CDK14: variants seen among roughly 807,000 people sequenced by gnomAD.
The protein encoded by CDK14 is cyclin-dependent kinase 14.
A neutral mutation model predicts 60.7 loss-of-function variants in CDK14; 34 were observed. That is an observed-to-expected ratio of 0.56 (90% CI 0.43 to 0.75). CDK14 has a LOEUF of 0.75. Among genes scored for constraint, CDK14 ranks in the 30% least tolerant of loss-of-function variants. CDK14 has a pLI of 0.00. For synonymous variants in CDK14, 197 were observed against 203.7 expected, an observed-to-expected ratio of 0.97 and a Z score of 0.28; for missense variants, 482 against 564.1, an observed-to-expected ratio of 0.85 and a Z score of 1.47.
At chr7:90,851,750 C>G (rs533037771) in intron 5 of CDK14, among the ~76,000 whole-genome samples, 2 of 150,408 alleles carry the variant, frequency 1.3e-5, no homozygotes, top group African/African-American at 2.4e-5. Flanking sequence ...TTTTTCTTCC[C>G]CTTTGTCATT....
At chr7:90,841,659 T>TACACACACACACACACAC (rs57434660) in intron 5 of CDK14, among the ~76,000 whole-genome samples, 3,814 of 139,292 alleles carry the variant, frequency 0.027, 92 homozygotes, top group Middle Eastern at 0.085. Flanking sequence ...TATATATATG[T>TACACACACACACACACAC]ACACACACAC....
intron 8 of CDK14, among the ~76,000 whole-genome samples, chr7:90,948,213 T>C (rs1794156443): frequency 6.6e-6 from 1 of 152,354 alleles, no homozygotes; most frequent in Non-Finnish European, 1.5e-5. Flanking sequence ...TCATTTTTTA[T>C]ATTATGTTGT....
At chr7:90,690,891 CA>C (rs1382473391) in intron 2 of CDK14, among the ~76,000 whole-genome samples, 5 of 151,952 alleles carry the variant, frequency 3.3e-5, no homozygotes. Context: ...TTCATTTTGA[CA>C]AAGATTACTT....
chr7:90,819,291 A>C (rs1294902321), intron 5 of CDK14, among the ~76,000 whole-genome samples: 1 of 152,162 alleles, frequency 6.6e-6, no homozygotes, highest in Non-Finnish European at 1.5e-5. Flanking sequence ...GAAGTAACTG[A>C]AATGATTTGT....
chr7:90,703,937 T>C (rs1211150871), intron 2 of CDK14, among the ~76,000 whole-genome samples: 1 of 152,034 alleles, frequency 6.6e-6, no homozygotes, highest in Non-Finnish European at 1.5e-5. Context: ...AATACAAAAA[T>C]TAGCTGGGCA....
intron 2 of CDK14, among the ~76,000 whole-genome samples, chr7:90,666,993 A>G (rs1406225370): frequency 1.3e-5 from 2 of 152,228 alleles, no homozygotes; most frequent in Non-Finnish European, 2.9e-5. Flanking sequence ...AGGTTTTGCC[A>G]TATTCTTTAT....
At chr7:91,072,910 A>G (rs1041192680) in intron 11 of CDK14, among the ~76,000 whole-genome samples, 1 of 152,068 alleles carries the variant, frequency 6.6e-6, no homozygotes, top group African/African-American at 2.4e-5. Flanking sequence ...AGCAGAAGAA[A>G]GAATATCAGA....
rs1799189090 is a variant in CDK14, at chr7:90,596,529, A to G, written c.-99A>G. Reference sequence around the variant, plus strand: ...TCCCGGCCCGCCGAGGAGGTGGTGGAGGAGGAGGCGCCGCTTTCCCCGCGG... The same window carrying G: ...TCCCGGCCCGCCGAGGAGGTGGTGGGGGAGGAGGCGCCGCTTTCCCCGCGG... On this transcript the variant is annotated 5_prime_UTR_variant, in exon 1 of 15. Transcript: ENST00000380050. The G allele has an allele frequency of 1.1e-6, 1 of 935,676 alleles. No homozygotes were observed. The highest frequency in any genetic ancestry group is 1.7e-6 in the Non-Finnish European group (1 of 595,984). 58.0% of individuals were successfully genotyped at this position (935,676 alleles called of 1,614,324 possible).
intron 11 of CDK14, among the ~76,000 whole-genome samples, chr7:91,068,975 A>T (rs1038954820): frequency 6.6e-6 from 1 of 152,126 alleles, no homozygotes; most frequent in Non-Finnish European, 1.5e-5. Flanking sequence ...CGTTATGGGA[A>T]TGCAAGCCCC....
rs147893698 is a variant in CDK14 at position 90,871,114 on chromosome 7, T to G, written c.639+7845T>G. Among the ~76,000 whole-genome samples, 804 of 152,258 alleles carry G rather than the reference T, an allele frequency of 5.3e-3. 6 individuals are homozygous for G. Among genetic ancestry groups the G allele is most frequent in the African/African-American group, 0.018 (758 of 41,552 alleles). On this transcript the variant is annotated intron_variant, in intron 6 of 14. Transcript: ENST00000380050. ...GTCCTTGTTCTATTTGATATTTTTA[T>G]TAATGACTCAGATAGTGGTGGTGAT...
chr7:91,206,647 A>G (rs945743395), intron 14 of CDK14, among the ~76,000 whole-genome samples: 1 of 152,220 alleles, frequency 6.6e-6, no homozygotes, highest in Admixed American at 6.5e-5. Flanking sequence ...GAGGCTGCCA[A>G]TTCAGGTCAC....
intron 2 of CDK14, among the ~76,000 whole-genome samples, chr7:90,630,077 C>T (rs1420300265): frequency 1.3e-5 from 1 of 74,532 alleles, no homozygotes; most frequent in Non-Finnish European, 2.5e-5. Context: ...CAAAACAAAA[C>T]AAAACAAAAC....
At chr7:91,028,774 ATTTGTTTTTGTT>A (rs569552774) in intron 10 of CDK14, among the ~76,000 whole-genome samples, 3 of 151,600 alleles carry the variant, frequency 2.0e-5, no homozygotes, top group Admixed American at 6.6e-5. Flanking sequence ...TAATGGGATT[ATTTGTTTTTGTT>A]TTTGTTTTTG....
chr7:91,086,375 G>A (rs1798640234), intron 12 of CDK14, among the ~76,000 whole-genome samples: 1 of 152,160 alleles, frequency 6.6e-6, no homozygotes, highest in African/African-American at 2.4e-5. Flanking sequence ...CCTGTTGCAA[G>A]TGTCTCTATT....
At chr7:90,904,324 G>C (rs1382330444) in intron 7 of CDK14, among the ~76,000 whole-genome samples, 1 of 152,114 alleles carries the variant, frequency 6.6e-6, no homozygotes, top group East Asian at 1.9e-4. Context: ...AGGAAGCCAA[G>C]TTGCTTGCAC....
At chr7:90,601,922 T>TTATGTACG (rs1799322626) in intron 1 of CDK14, among the ~76,000 whole-genome samples, 1 of 143,274 alleles carries the variant, frequency 7.0e-6, no homozygotes, top group Non-Finnish European at 1.5e-5. Context: ...TTGGCTAATT[T>TTATGTACG]TATGTATGTA....
chr7:90,988,259 A>G (rs1171082477), intron 10 of CDK14, among the ~76,000 whole-genome samples: 1 of 152,160 alleles, frequency 6.6e-6, no homozygotes, highest in Non-Finnish European at 1.5e-5. Context: ...ATATAAGGTG[A>G]GCTGGGATAT....
intron 2 of CDK14, among the ~76,000 whole-genome samples, chr7:90,609,936 C>T (rs563777661): frequency 2.2e-4 from 34 of 152,334 alleles, no homozygotes; most frequent in African/African-American, 6.0e-4. Context: ...CTGACTTTCT[C>T]GTCTCATACC....
intron 2 of CDK14, among the ~76,000 whole-genome samples, chr7:90,691,791 G>C (rs1051798887): frequency 6.6e-6 from 1 of 152,168 alleles, no homozygotes; most frequent in African/African-American, 2.4e-5. Flanking sequence ...TTGAGAAATG[G>C]TTGGATTTTT....
Sources: allele counts gnomAD v4.1 joint callset (sites outside exome capture counted in the v4.1 genomes callset), GRCh38; gene constraint gnomAD v4.1.1; transcripts MANE v1.5; gene names NCBI Gene and HGNC (gene_info 2026-07-23, HGNC 2026-07-21).